Variants in MLLT3 observed in about 807,000 individuals in gnomAD.
MLLT3 encodes the protein protein AF-9.
MLLT3 carries 4 observed loss-of-function variants against 53.2 expected under a neutral mutation model. That is an observed-to-expected ratio of 0.08 (90% CI 0.04 to 0.17). MLLT3 has a LOEUF of 0.17. MLLT3 is among the 10% of genes least tolerant of loss of function. The pLI is 1.00. For missense variants in MLLT3, 569 were observed against 684.0 expected (o/e 0.83, Z 1.87); for synonymous variants, 283 against 230.6 (o/e 1.23, Z -2.06).
At chr9:20,503,223 C>T (rs967654844) in intron 2 of MLLT3, among the ~76,000 whole-genome samples, 1 of 152,058 alleles carries the variant, frequency 6.6e-6, no homozygotes, top group Non-Finnish European at 1.5e-5. Flanking sequence ...CCACGAAAGA[C>T]CCCAAATATC....
At chr9:20,407,343 C>A (rs183693367) in intron 5 of MLLT3, among the ~76,000 whole-genome samples, 1 of 152,004 alleles carries the variant, frequency 6.6e-6, no homozygotes, top group Admixed American at 6.6e-5. Context: ...CAATCTAGAC[C>A]CAAGAGAGTC....
chr9:20,608,636 C>G (rs1488691465), intron 2 of MLLT3, among the ~76,000 whole-genome samples: 1 of 151,826 alleles, frequency 6.6e-6, no homozygotes, highest in Non-Finnish European at 1.5e-5. Context: ...AAGGAAAAGA[C>G]TCAAAACGAC....
intron 2 of MLLT3, among the ~76,000 whole-genome samples, chr9:20,514,750 C>T (rs528948929): frequency 4.4e-4 from 67 of 152,020 alleles, no homozygotes; most frequent in African/African-American, 1.4e-3. Flanking sequence ...GAAAAGGAGT[C>T]GTTTGAGGAA....
chr9:20,378,213 TAATTTGGA>T (rs1821820168), intron 5 of MLLT3, among the ~76,000 whole-genome samples: 2 of 152,200 alleles, frequency 1.3e-5, no homozygotes, highest in South Asian at 4.1e-4. Flanking sequence ...TGGCTTACTA[TAATTTGGA>T]AATGTACATA....
At chr9:20,350,371 G>A (rs1392475487) in intron 10 of MLLT3, among the ~76,000 whole-genome samples, 6 of 151,838 alleles carry the variant, frequency 4.0e-5, no homozygotes, top group Non-Finnish European at 7.4e-5. Context: ...CAAGGCGGGC[G>A]GATCACGAGG....
chr9:20,444,863 C>A (rs569624586), intron 4 of MLLT3, among the ~76,000 whole-genome samples: 3 of 151,926 alleles, frequency 2.0e-5, no homozygotes, highest in South Asian at 4.2e-4. Flanking sequence ...CAGAGTAAGA[C>A]CCTATCTCAA....
intron 2 of MLLT3, among the ~76,000 whole-genome samples, chr9:20,599,043 C>G (rs905213278): frequency 3.9e-5 from 6 of 152,168 alleles, no homozygotes; most frequent in Admixed American, 6.5e-5. Context: ...CGGTGGCTCA[C>G]GCCTGTAATC....
At chr9:20,550,142 C>G (rs771594040) in intron 2 of MLLT3, among the ~76,000 whole-genome samples, 7 of 152,292 alleles carry the variant, frequency 4.6e-5, no homozygotes, top group Non-Finnish European at 8.8e-5. Flanking sequence ...GACAATAGTT[C>G]TAATCCCACG....
chr9:20,536,659 A>G (rs1478122422), intron 2 of MLLT3, among the ~76,000 whole-genome samples: 3 of 152,294 alleles, frequency 2.0e-5, no homozygotes, highest in South Asian at 2.1e-4. Context: ...AGTCCCTTCA[A>G]TTTTAAATTG....
At chr9:20,454,239 G>A (rs908317623) in intron 3 of MLLT3, among the ~76,000 whole-genome samples, 4 of 152,124 alleles carry the variant, frequency 2.6e-5, no homozygotes, top group Non-Finnish European at 4.4e-5. Flanking sequence ...TGAAGTGTGT[G>A]TGTGTGTGTG....
rs574292528 is a variant in MLLT3 at position 20,396,814 on chromosome 9, G to A, written c.1125+16907C>T. Among the ~76,000 whole-genome samples, 7 of 152,128 alleles carry A rather than the reference G, an allele frequency of 4.6e-5. No individual in the cohort carries two copies. The South Asian group carries it at 1.2e-3, about 27-fold the overall frequency. ...ATGGAAGAAAGAAAAGGCAACAAAG[G>A]GTGTTGTTGCTGGAGTAAGGCTTAT... is the stretch of plus-strand genomic sequence containing the variant. On this transcript the variant is annotated intron_variant, in intron 5 of 10. Coordinates refer to ENST00000380338, the MANE Select transcript of MLLT3 (RefSeq NM_004529.4).
chr9:20,566,432 C>A (rs534066532), intron 2 of MLLT3, among the ~76,000 whole-genome samples: 1 of 152,072 alleles, frequency 6.6e-6, no homozygotes, highest in Non-Finnish European at 1.5e-5. Context: ...TCAAACAATA[C>A]GTAGGCATAT....
intron 2 of MLLT3, among the ~76,000 whole-genome samples, chr9:20,496,577 A>G (rs1825084964): frequency 6.6e-6 from 1 of 152,194 alleles, no homozygotes; most frequent in Non-Finnish European, 1.5e-5. Context: ...AATAAGCACT[A>G]CAATTACAAA....
rs1822814024 is a variant in MLLT3 at position 20,414,321 on chromosome 9, G to GCTA, written c.524_525insTAG (p.Ser190dup). 7.5e-6 allele frequency: 12 copies of GCTA among 1,605,668 alleles called. No homozygotes were observed. In the South Asian group the frequency reaches 1.3e-4, roughly 18 times the overall value. The stretch of plus-strand genomic sequence containing the variant: ...TGCTACTGCTGCTGCTACTGCTGCT[G>GCTA]CTGCTGCTGCTGCTGCTGCTGCTAC... On this transcript the variant is annotated inframe_insertion, in exon 5 of 11. Transcript: ENST00000380338.
chr9:20,367,686 G>A (rs1164147474), intron 5 of MLLT3, among the ~76,000 whole-genome samples: 1 of 152,052 alleles, frequency 6.6e-6, no homozygotes, highest in Non-Finnish European at 1.5e-5. Context: ...TTTTTAATAT[G>A]CTCATAGTCT....
intron 2 of MLLT3, among the ~76,000 whole-genome samples, chr9:20,486,363 T>C (rs759340661): frequency 2.6e-5 from 4 of 152,130 alleles, no homozygotes; most frequent in South Asian, 2.1e-4. Context: ...TATAAAGTTA[T>C]ATAACTTTAC....
Position 20,588,415 on chromosome 9 carries a change from C to G in MLLT3, c.193+32239G>C, listed in dbSNP as rs533356137. On this transcript the variant is annotated intron_variant, in intron 2 of 10. Transcript: ENST00000380338. Reference sequence around the variant, plus strand: ...TAGCTTGATGGGGATGGCATTGAATCTGTAAATTACCTTGGGCAGTATGGC... The same window carrying G: ...TAGCTTGATGGGGATGGCATTGAATGTGTAAATTACCTTGGGCAGTATGGC... 6.8e-3 allele frequency among the ~76,000 whole-genome samples: 1,034 copies of G among 152,018 alleles called. 18 individuals carry two copies. Among genetic ancestry groups the G allele is most frequent in the African/African-American group, 0.024 (994 of 41,450 alleles).
intron 2 of MLLT3, among the ~76,000 whole-genome samples, chr9:20,557,105 C>T (rs1437884616): frequency 6.6e-6 from 1 of 152,130 alleles, no homozygotes; most frequent in Non-Finnish European, 1.5e-5. Flanking sequence ...AACATCATTT[C>T]CTCCACAAGC....
intron 2 of MLLT3, among the ~76,000 whole-genome samples, chr9:20,597,935 T>C (rs1363139902): frequency 1.3e-5 from 2 of 152,228 alleles, no homozygotes; most frequent in Admixed American, 1.3e-4. Flanking sequence ...CCATTTAAAA[T>C]CAACCAGGTC....
Sources: allele counts gnomAD v4.1 joint callset (sites outside exome capture counted in the v4.1 genomes callset), GRCh38; gene constraint gnomAD v4.1.1; transcripts MANE v1.5; gene names NCBI Gene and HGNC (gene_info 2026-07-23, HGNC 2026-07-21).